HECTD4: variants seen among roughly 807,000 people sequenced by gnomAD.
HECTD4 encodes the protein probable E3 ubiquitin-protein ligase HECTD4.
In HECTD4, 114 loss-of-function variants were observed where a neutral mutation model predicts 471.5. The ratio of observed to expected loss-of-function variants is 0.24; its 90% confidence interval spans 0.21 to 0.28. The LOEUF is 0.28. Among genes scored for constraint, HECTD4 ranks in the 10% least tolerant of loss-of-function variants. HECTD4 has a pLI of 1.00. For synonymous variants in HECTD4, 2,012 were observed against 2,256.0 expected (o/e 0.89, Z 3.07); for missense variants, 3,866 against 5,651.5 (o/e 0.68, Z 10.13).
chr12:112,208,217 T>C (rs1214117198), intron 51 of HECTD4, among the ~76,000 whole-genome samples: 2 of 152,198 alleles, frequency 1.3e-5, no homozygotes, highest in Non-Finnish European at 1.5e-5. Flanking sequence ...AAAGAAGCCA[T>C]AGAAGCACTT....
At chr12:112,170,509 C>A in intron 68 of HECTD4, 57 bp from the exon 69 acceptor site, 3 of 1,323,522 alleles carry the variant, frequency 2.3e-6, no homozygotes, top group Non-Finnish European at 3.0e-6. Flanking sequence ...CCTTCCCAGT[C>A]CCCCCAAGAC....
At chr12:112,314,647 T>C in intron 2 of HECTD4, 101 bp from the exon 3 acceptor site, 1 of 695,418 alleles carries the variant, frequency 1.4e-6, no homozygotes, top group South Asian at 1.6e-5. Flanking sequence ...AGTTCCAAAA[T>C]GTGTCTCTCT....
At chr12:112,262,674 G>A (rs1381831775) in intron 17 of HECTD4, among the ~76,000 whole-genome samples, 1 of 151,760 alleles carries the variant, frequency 6.6e-6, no homozygotes, top group Non-Finnish European at 1.5e-5. Context: ...GGAGTGCAGT[G>A]GCATGATCAG....
At chr12:112,252,569 A>G (rs1158675196) in intron 22 of HECTD4, 41 bp from the exon 23 acceptor site, 2 of 1,585,456 alleles carry the variant, frequency 1.3e-6, no homozygotes, top group Admixed American at 1.9e-5. Context: ...CTTTAAAAAC[A>G]AGATACACAA....
At chr12:112,271,532 C>T (rs1310912048) in intron 11 of HECTD4, among the ~76,000 whole-genome samples, 1 of 152,198 alleles carries the variant, frequency 6.6e-6, no homozygotes, top group African/African-American at 2.4e-5. Flanking sequence ...TTCCCCCAAT[C>T]CGTAACTTCA....
intron 8 of HECTD4, 128 bp downstream of exon 8, chr12:112,282,982 C>A: frequency 1.6e-6 from 1 of 621,880 alleles, no homozygotes; most frequent in Non-Finnish European, 2.6e-6. Flanking sequence ...TGGACAATGA[C>A]TGGAAGACCA....
chr12:112,255,987 T>C (rs1387159751), intron 21 of HECTD4, among the ~76,000 whole-genome samples: 3 of 152,158 alleles, frequency 2.0e-5, no homozygotes, highest in Non-Finnish European at 4.4e-5. Flanking sequence ...ATCACACATC[T>C]GGGGTAACTT....
chr12:112,295,637 G>C (rs1242952857), intron 7 of HECTD4, among the ~76,000 whole-genome samples: 1 of 150,548 alleles, frequency 6.6e-6, no homozygotes, highest in African/African-American at 2.4e-5. Flanking sequence ...ACTGTACCTG[G>C]CCCTTTTTTT....
chr12:112,319,495 G>A lies in HECTD4; in HGVS notation c.425C>T (p.Thr142Ile). 6.7e-7 allele frequency: 1 copy of A among 1,501,244 alleles called. No homozygotes were observed. Among genetic ancestry groups the A allele is most frequent in the Non-Finnish European group, 8.9e-7 (1 of 1,128,658 alleles). The allele number at this position is 1,501,244 out of a possible 1,614,324, so 93.0% of individuals were successfully genotyped here. Residue 142 changes from threonine (T) to isoleucine (I), a missense_variant, in exon 2 of 76, where the codon ACA becomes ATA. This residue lies in a region of HECTD4 where 440 missense variants were observed against 636.0 expected (regional missense o/e 0.69). Coordinates refer to ENST00000682272, the MANE Select transcript of HECTD4 (RefSeq NM_001388303.1). This position sits in a 1 kb window ranked among gnomAD's most constrained non-coding sequence, Gnocchi z 5.3. ...GACCAGCAGGAGCCCCATCCTCGAT[G>A]TGAAGGGCGCTTGCTCAGGTTGCTG... ...LLQQPEQAPF[T>I]SRMGLLLVFP...
Position 112,356,420 on chromosome 12 carries a change from GT to G in HECTD4, c.177+25531del, listed in dbSNP as rs202024597. On this transcript the variant is annotated intron_variant, in intron 1 of 75. Coordinates refer to ENST00000682272, the MANE Select transcript of HECTD4 (RefSeq NM_001388303.1). The stretch of plus-strand genomic sequence containing the variant: ...CCGTCTCACTCTCTTTCTGGTGTGT[GT>G]TTTTTGTTTGTTTGTTTTTTTGTTT... 6.0e-3 allele frequency among the ~76,000 whole-genome samples: 917 copies of G among 152,110 alleles called. 10 individuals carry two copies. Among genetic ancestry groups the G allele is most frequent in the African/African-American group, 0.021 (864 of 41,502 alleles).
chr12:112,231,498 C>T lies in HECTD4; in HGVS notation c.6200+15G>A, dbSNP rs369501705. On this transcript the variant is annotated intron_variant, in intron 39 of 75. Transcript: ENST00000682272. ...TGAGATGAGTGTGGACAGCTCCTAC[C>T]TGTGGAAGGTTTACCTTGCAAGCTC... The T allele has an allele frequency of 1.2e-6, 2 of 1,611,938 alleles. No homozygotes were observed. The highest frequency in any genetic ancestry group is 2.2e-5 in the East Asian group (1 of 44,898).
At chr12:112,169,732 G>T in intron 69 of HECTD4, 74 bp from the exon 70 acceptor site, 1 of 1,560,830 alleles carries the variant, frequency 6.4e-7, no homozygotes, top group Non-Finnish European at 8.8e-7. Flanking sequence ...GACAGACCCT[G>T]GGCCTAGCAG....
chr12:112,239,859 C>G lies in HECTD4; in HGVS notation c.5105+22G>C. ...ATACTGCAGGGTAACTTACATACAA[C>G]AAAAGGCCTTTCCGTACTTACCTGG... On this transcript the variant is annotated intron_variant, in intron 33 of 75. Transcript: ENST00000682272. The surrounding 1 kb of genome is among the most constrained non-coding windows in gnomAD (Gnocchi z 4.9). The G allele has an allele frequency of 2.5e-6, 4 of 1,598,076 alleles. No homozygotes were observed. The highest frequency in any genetic ancestry group is 3.4e-6 in the Non-Finnish European group (4 of 1,169,648).
At chr12:112,245,382 T>C (rs2135582589) in intron 29 of HECTD4, among the ~76,000 whole-genome samples, 1 of 152,356 alleles carries the variant, frequency 6.6e-6, no homozygotes, top group Non-Finnish European at 1.5e-5. Context: ...AAGATACTGT[T>C]ATCTCTGAGG....
At chr12:112,224,424 G>A (rs752001899) in intron 44 of HECTD4, among the ~76,000 whole-genome samples, 7 of 151,850 alleles carry the variant, frequency 4.6e-5, no homozygotes, top group Non-Finnish European at 8.8e-5. Context: ...CCGCCACCAC[G>A]CCTGGCTAAT....
Position 112,382,314 on chromosome 12 carries a change from G to C in HECTD4, c.-186C>G. The C allele has an allele frequency of 2.1e-6, 1 of 465,220 alleles. No individual in the cohort carries two copies. The highest frequency in any genetic ancestry group is 2.2e-5 in the African/African-American group (1 of 44,498). The allele number at this position is 465,220 out of a possible 1,614,324, so 28.8% of individuals were successfully genotyped here. A position where few individuals can be genotyped will look rare whatever the true frequency, so the allele number is the denominator to read the frequency against. ...CGCCATACCCCCGACCCCGGCCCGGGAGACCCCGGCCCTGCCGCCGCCGCC... is the reference window on the plus strand; with the variant it reads ...CGCCATACCCCCGACCCCGGCCCGGCAGACCCCGGCCCTGCCGCCGCCGCC... On this transcript the variant is annotated 5_prime_UTR_variant, in exon 1 of 76. Transcript: ENST00000682272.
intron 8 of HECTD4, among the ~76,000 whole-genome samples, chr12:112,280,367 T>C (rs2034610614): frequency 6.6e-6 from 1 of 152,228 alleles, no homozygotes; most frequent in African/African-American, 2.4e-5. Flanking sequence ...GGATTTTCTA[T>C]ATACAAGCCT....
At chr12:112,302,205 C>T in intron 7 of HECTD4, 2 of 1,305,056 alleles carry the variant, frequency 1.5e-6, no homozygotes. Context: ...TGTGCAATCA[C>T]CACCAGCTGA....
chr12:112,304,865 T>C (rs958675611), intron 7 of HECTD4, among the ~76,000 whole-genome samples: 1 of 152,188 alleles, frequency 6.6e-6, no homozygotes, highest in African/African-American at 2.4e-5. Flanking sequence ...TGCTGCTGGG[T>C]TGGATGACTG....
Sources: gnomAD v4.1 joint callset for allele counts (sites outside exome capture counted in the v4.1 genomes callset) on GRCh38, gnomAD v4.1.1 for gene constraint, gnomAD v4.1.1 regional missense constraint, Gnocchi (gnomAD v3.1) non-coding constraint, MANE v1.5 for transcripts, NCBI Gene and HGNC (gene_info 2026-07-23, HGNC 2026-07-21) for gene names.